Variants in CDS2 observed in about 807,000 individuals in gnomAD.
CDS2 encodes phosphatidate cytidylyltransferase 2.
A neutral mutation model predicts 59.0 loss-of-function variants in CDS2; 47 were observed. The observed-to-expected ratio is 0.80, with a 90% CI of 0.63 to 1.02. The LOEUF is 1.02. Ranked by LOEUF, CDS2 falls within the 50% of genes least tolerant of loss-of-function variation. The pLI is 0.00. For missense variants in CDS2, 356 were observed against 558.9 expected (o/e 0.64, Z 3.66); for synonymous variants, 207 against 206.4 (o/e 1.00, Z -0.02).
At chr20:5,182,993 T>G in intron 6 of CDS2, 68 bp from the exon 7 acceptor site, 2 of 1,262,896 alleles carry the variant, frequency 1.6e-6, no homozygotes, top group Non-Finnish European at 2.3e-6. Flanking sequence ...CTATTTGGTA[T>G]TGATTGTTCT....
At chr20:5,155,296 T>C (rs2090824822) in intron 1 of CDS2, among the ~76,000 whole-genome samples, 1 of 152,240 alleles carries the variant, frequency 6.6e-6, no homozygotes, top group Non-Finnish European at 1.5e-5. Flanking sequence ...AAAGCCAGTA[T>C]TGCAGGCCTT....
At position 5,189,111 on chromosome 20, in the gene CDS2, C is replaced by T; in HGVS notation, c.1026C>T (p.Leu342=). The change falls in exon 11 of 13, where the codon CTC becomes CTT. Residue 342 remains leucine (L), a synonymous_variant. Coordinates refer to ENST00000460006, the MANE Select transcript of CDS2 (RefSeq NM_003818.4). ...CCTTCCAGATTCACAGCATCGCTCT[C>T]TCCACCTTTGCCTCGCTCATTGGCC... The part of the protein sequence containing the change: ...MYPFQIHSIA[L]STFASLIGPF... 1 of 1,614,220 alleles carries T rather than the reference C, an allele frequency of 6.2e-7. No individual in the cohort carries two copies. The highest frequency in any genetic ancestry group is 8.5e-7 in the Non-Finnish European group (1 of 1,180,022).
intron 5 of CDS2, among the ~76,000 whole-genome samples, chr20:5,180,430 A>T (rs2091025639): frequency 6.6e-6 from 1 of 152,200 alleles, no homozygotes; most frequent in African/African-American, 2.4e-5. Flanking sequence ...TATGCTAAAC[A>T]AAGGGTGGAT....
rs183578432 is a variant in CDS2, at chr20:5,137,687, G to A, written c.57+10538G>A. On this transcript the variant is annotated intron_variant, in intron 1 of 12. Coordinates refer to ENST00000460006, the MANE Select transcript of CDS2 (RefSeq NM_003818.4). ...AAATTTGCTGGGCGTGGTGGTGCAC[G>A]CCTGTAGTCCCAGCTACATGGGAGG... Among the ~76,000 whole-genome samples, 118 of 151,884 alleles carry A rather than the reference G, an allele frequency of 7.8e-4. 1 individual carries two copies. The highest frequency in any genetic ancestry group is 2.8e-4 in the Non-Finnish European group (19 of 67,932).
At chr20:5,167,117 A>G (rs1398129272) in intron 1 of CDS2, among the ~76,000 whole-genome samples, 2 of 152,168 alleles carry the variant, frequency 1.3e-5, no homozygotes, top group East Asian at 1.9e-4. Flanking sequence ...GTCCTTTGCC[A>G]TCAGTGTTGT....
chr20:5,149,134 A>T (rs983753680), intron 1 of CDS2, among the ~76,000 whole-genome samples: 1 of 152,044 alleles, frequency 6.6e-6, no homozygotes, highest in Admixed American at 6.5e-5. Context: ...AATGGTGCCA[A>T]TTTCCATTTC....
chr20:5,189,209 CTCTCA>C, intron 11 of CDS2, 23 bp downstream of exon 11: 1 of 1,613,488 alleles, frequency 6.2e-7, no homozygotes, highest in Non-Finnish European at 8.5e-7. Flanking sequence ...TCTTACGTTC[CTCTCA>C]TCTCACTCCC....
At chr20:5,160,721 C>T (rs1473301547) in intron 1 of CDS2, among the ~76,000 whole-genome samples, 1 of 152,142 alleles carries the variant, frequency 6.6e-6, no homozygotes, top group Non-Finnish European at 1.5e-5. Flanking sequence ...CCCTCTCACT[C>T]CCCCAGCCCC....
chr20:5,175,073 C>G, intron 2 of CDS2, 110 bp from the exon 3 acceptor site: 1 of 794,988 alleles, frequency 1.3e-6, no homozygotes. Flanking sequence ...CTGGAAAGGA[C>G]TGAGCTCAGG....
chr20:5,181,296 CAA>C (rs1600511582), intron 5 of CDS2, among the ~76,000 whole-genome samples: 1 of 152,278 alleles, frequency 6.6e-6, no homozygotes, highest in Admixed American at 6.5e-5. Flanking sequence ...AGAAAAAAAC[CAA>C]AGTCAGCCAA....
At chr20:5,137,776 A>G (rs963046101) in intron 1 of CDS2, among the ~76,000 whole-genome samples, 9 of 151,436 alleles carry the variant, frequency 5.9e-5, no homozygotes, top group Admixed American at 2.0e-4. Context: ...CTGCACTACC[A>G]TAACCTCAAA....
At position 5,190,517 on chromosome 20, in the gene CDS2, A is replaced by G. The variant is rs1660937871; in HGVS notation, c.*283A>G. ...AACAAAAGTATTAATAATCTGGAAG[A>G]CAGTGTTGCCCAGGTCAGGAGTGTT... On this transcript the variant is annotated 3_prime_UTR_variant, in exon 13 of 13. Transcript: ENST00000460006. 7.8e-6 allele frequency: 2 copies of G among 255,704 alleles called. No individual in the cohort carries two copies. The highest frequency in any genetic ancestry group is 1.5e-5 in the Non-Finnish European group (2 of 133,568). 15.8% of individuals were successfully genotyped at this position (255,704 alleles called of 1,614,324 possible).
chr20:5,142,125 G>A (rs1163605808), intron 1 of CDS2, among the ~76,000 whole-genome samples: 2 of 152,174 alleles, frequency 1.3e-5, no homozygotes, highest in Non-Finnish European at 2.9e-5. Flanking sequence ...ACAAGCCTGA[G>A]CAATAGAGTG....
chr20:5,164,732 C>T (rs754440969), intron 1 of CDS2, among the ~76,000 whole-genome samples: 2 of 152,112 alleles, frequency 1.3e-5, no homozygotes, highest in Non-Finnish European at 2.9e-5. Flanking sequence ...TAGAAGGACC[C>T]GTTGGACTCC....
At chr20:5,151,641 G>C (rs186729698) in intron 1 of CDS2, among the ~76,000 whole-genome samples, 334 of 150,008 alleles carry the variant, frequency 2.2e-3, no homozygotes, top group Non-Finnish European at 3.4e-3. Context: ...GTCTTGCTGT[G>C]TTGCTCAGGT....
In CDS2 at chr20:5,181,359, C is replaced by G. The variant is rs976164578; in HGVS notation, c.530-1028C>G. Reference sequence around the variant, plus strand: ...GGTTGGGGGTCTCCTCAGTATTGTCCCTTTGGGGTTCACCAGAAAGATGTT... The same window carrying G: ...GGTTGGGGGTCTCCTCAGTATTGTCGCTTTGGGGTTCACCAGAAAGATGTT... On this transcript the variant is annotated intron_variant, in intron 5 of 12. Transcript: ENST00000460006. Among the ~76,000 whole-genome samples the G allele has an allele frequency of 2.6e-5, 4 of 152,068 alleles. 1 individual carries two copies. Among genetic ancestry groups the G allele is most frequent in the Non-Finnish European group, 5.9e-5 (4 of 68,024 alleles).
chr20:5,177,265 C>T (rs765590273), intron 4 of CDS2, among the ~76,000 whole-genome samples: 6 of 151,932 alleles, frequency 3.9e-5, no homozygotes, highest in African/African-American at 1.2e-4. Context: ...GTTCTGCTGC[C>T]GGCTTTGCTT....
intron 1 of CDS2, among the ~76,000 whole-genome samples, chr20:5,130,225 T>G (rs2090593239): frequency 6.6e-6 from 1 of 151,890 alleles, no homozygotes; most frequent in South Asian, 2.1e-4. Context: ...TCTACCCACT[T>G]TGGCCTCCCA....
chr20:5,154,548 G>T (rs2090817874), intron 1 of CDS2, among the ~76,000 whole-genome samples: 1 of 151,714 alleles, frequency 6.6e-6, no homozygotes, highest in Admixed American at 6.6e-5. Context: ...AATAAAACTG[G>T]TTTTTCTTAA....
Sources: gnomAD v4.1 joint callset for allele counts (sites outside exome capture counted in the v4.1 genomes callset) on GRCh38, gnomAD v4.1.1 for gene constraint, MANE v1.5 for transcripts, NCBI Gene and HGNC (gene_info 2026-07-23, HGNC 2026-07-21) for gene names.